Variants in MYO3B observed in about 807,000 individuals in gnomAD.
MYO3B encodes myosin IIIB.
In MYO3B, 156 loss-of-function variants were observed where a neutral mutation model predicts 174.6. The observed-to-expected ratio is 0.89, with a 90% CI of 0.78 to 1.02. The LOEUF is 1.02. Among genes scored for constraint, MYO3B ranks in the 50% least tolerant of loss-of-function variants. The pLI is 0.00. For missense variants in MYO3B, 1,632 were observed against 1,639.4 expected (o/e 1.00, Z 0.08); for synonymous variants, 563 against 569.1 (o/e 0.99, Z 0.15).
intron 22 of MYO3B, among the ~76,000 whole-genome samples, chr2:170,410,592 G>GAAAAAAAAAAAAAAAAAAAAAAAAAA (rs59296953): frequency 8.9e-6 from 1 of 112,530 alleles, no homozygotes; most frequent in Non-Finnish European, 1.8e-5. Flanking sequence ...CAAAAAAAAA[G>GAAAAAAAAAAAAAAAAAAAAAAAAAA]AAAAAAAAAA....
At chr2:170,555,596 G>C (rs1414476336) in intron 32 of MYO3B, among the ~76,000 whole-genome samples, 2 of 152,140 alleles carry the variant, frequency 1.3e-5, no homozygotes, top group African/African-American at 4.8e-5. Flanking sequence ...AAGAGGCCAG[G>C]TGTGGTGGTT....
At chr2:170,268,195 A>G (rs549457970) in intron 7 of MYO3B, among the ~76,000 whole-genome samples, 1 of 152,254 alleles carries the variant, frequency 6.6e-6, no homozygotes, top group East Asian at 1.9e-4. Flanking sequence ...TTTATGCATC[A>G]CACCTGGATG....
intron 32 of MYO3B, among the ~76,000 whole-genome samples, chr2:170,634,908 A>G (rs1697333513): frequency 1.3e-5 from 2 of 152,060 alleles, no homozygotes; most frequent in South Asian, 4.1e-4. Context: ...AATCAAAACC[A>G]CAATGAGATA....
intron 32 of MYO3B, among the ~76,000 whole-genome samples, chr2:170,641,876 G>T (rs1489386599): frequency 1.2e-5 from 1 of 86,330 alleles, no homozygotes; most frequent in Non-Finnish European, 2.0e-5. Context: ...GGGGGGGAGG[G>T]GCGGGGAGCC....
intron 7 of MYO3B, among the ~76,000 whole-genome samples, chr2:170,270,146 C>T (rs1304244238): frequency 1.3e-5 from 2 of 152,150 alleles, no homozygotes; most frequent in South Asian, 2.1e-4. Context: ...CAGTGCTTTC[C>T]TCTGAGGAGG....
chr2:170,181,182 T>C lies in MYO3B; in HGVS notation c.2+2893T>C, dbSNP rs1448275143. The stretch of plus-strand genomic sequence containing the variant: ...TTTATATGTGGTGTAAGGATAAAGA[T>C]TCTTTTTTTCTTTTTGCATATTGCT... On this transcript the variant is annotated intron_variant, in intron 1 of 34. Coordinates refer to ENST00000408978, the MANE Select transcript of MYO3B (RefSeq NM_138995.5). Among the ~76,000 whole-genome samples, 4 of 152,228 alleles carry C rather than the reference T, an allele frequency of 2.6e-5. No individual in the cohort carries two copies. In the East Asian group the frequency reaches 7.7e-4, roughly 29 times the overall value.
chr2:170,432,402 A>T (rs971159861), intron 22 of MYO3B, among the ~76,000 whole-genome samples: 12 of 152,070 alleles, frequency 7.9e-5, no homozygotes, highest in African/African-American at 2.9e-4. Context: ...AAAAAATCTT[A>T]AAAATTTAAA....
chr2:170,253,932 G>T (rs952297369), intron 7 of MYO3B, among the ~76,000 whole-genome samples: 4 of 152,072 alleles, frequency 2.6e-5, no homozygotes. Context: ...ATTAGATGTA[G>T]CCAGGAAGTG....
At chr2:170,632,747 A>G (rs1432952965) in intron 32 of MYO3B, among the ~76,000 whole-genome samples, 3 of 152,188 alleles carry the variant, frequency 2.0e-5, no homozygotes, top group East Asian at 1.9e-4. Flanking sequence ...CAAGACTAAT[A>G]AAGAAGAAAA....
intron 7 of MYO3B, among the ~76,000 whole-genome samples, chr2:170,283,751 C>A (rs1218840536): frequency 2.6e-5 from 4 of 152,274 alleles, no homozygotes; most frequent in South Asian, 2.1e-4. Flanking sequence ...TAGAGGTGAG[C>A]AGTAGTACCT....
intron 3 of MYO3B, among the ~76,000 whole-genome samples, chr2:170,213,625 G>A (rs2092796381): frequency 6.6e-6 from 1 of 152,168 alleles, no homozygotes; most frequent in Admixed American, 6.5e-5. Context: ...AACAATATGA[G>A]AGGGTCTGTC....
chr2:170,509,108 G>A (rs1441924498), intron 28 of MYO3B, among the ~76,000 whole-genome samples: 1 of 152,172 alleles, frequency 6.6e-6, no homozygotes, highest in African/African-American at 2.4e-5. Context: ...TATAATCCCC[G>A]CACTTTGGGA....
chr2:170,553,353 C>T (rs1340415648), intron 32 of MYO3B, among the ~76,000 whole-genome samples: 1 of 152,212 alleles, frequency 6.6e-6, no homozygotes, highest in Non-Finnish European at 1.5e-5. Flanking sequence ...GGGAGCCCAC[C>T]TCTTGCATCA....
intron 32 of MYO3B, among the ~76,000 whole-genome samples, chr2:170,605,169 G>A (rs766202450): frequency 2.6e-5 from 4 of 152,234 alleles, no homozygotes; most frequent in Non-Finnish European, 5.9e-5. Context: ...AGCAGCATTT[G>A]ACAAGGCTGA....
Position 170,652,962 on chromosome 2 carries a change from C to T in MYO3B, c.3888-21C>T, listed in dbSNP as rs370478379. ...TTTGTTTTATTTTTTGTTGAAAATC[C>T]TGTTGTTTTCTTTGTTGCAGCCAAA... On this transcript the variant is annotated intron_variant, in intron 34 of 34. Coordinates refer to ENST00000408978, the MANE Select transcript of MYO3B (RefSeq NM_138995.5). 31 of 1,612,002 alleles carry T rather than the reference C, an allele frequency of 1.9e-5. No individual in the cohort carries two copies. In the African/African-American group the frequency reaches 3.7e-4, roughly 19 times the overall value.
At chr2:170,418,503 T>A (rs2105848195) in intron 22 of MYO3B, among the ~76,000 whole-genome samples, 1 of 152,348 alleles carries the variant, frequency 6.6e-6, no homozygotes, top group East Asian at 1.9e-4. Flanking sequence ...AGTGCATCCC[T>A]AGGTCTTCAT....
chr2:170,214,798 A>T lies in MYO3B; in HGVS notation c.496A>T (p.Thr166Ser). The change falls in exon 5 of 35, where the codon ACA (threonine) becomes TCA (serine). Residue 166 changes from threonine (T) to serine (S), a missense_variant. Thr to Ser is a moderately conservative substitution (Grantham distance 58, BLOSUM62 1). Transcript: ENST00000408978. ...DVKGNNILLT[T>S]EGGVKLVDFG... ...GAAGGGGAATAACATTCTTCTGACAACAGAAGGAGGAGTTAAGCTCGTTGA... is the reference window on the plus strand; with the variant it reads ...GAAGGGGAATAACATTCTTCTGACATCAGAAGGAGGAGTTAAGCTCGTTGA... 1 of 1,613,940 alleles carries T rather than the reference A, an allele frequency of 6.2e-7. No homozygotes were observed. The highest frequency in any genetic ancestry group is 8.5e-7 in the Non-Finnish European group (1 of 1,179,816).
intron 30 of MYO3B, among the ~76,000 whole-genome samples, chr2:170,539,614 T>A (rs1689950782): frequency 1.9e-5 from 1 of 51,626 alleles, no homozygotes; most frequent in African/African-American, 2.1e-4. Context: ...TAATTCTTTT[T>A]ATTTATTTAT....
chr2:170,586,449 T>C (rs1360906440), intron 32 of MYO3B, among the ~76,000 whole-genome samples: 1 of 152,246 alleles, frequency 6.6e-6, no homozygotes, highest in Non-Finnish European at 1.5e-5. Context: ...ATTATCTTTT[T>C]GTGTGCACCC....
Sources: gnomAD v4.1 joint callset for allele counts (sites outside exome capture counted in the v4.1 genomes callset) on GRCh38, gnomAD v4.1.1 for gene constraint, MANE v1.5 for transcripts, NCBI Gene and HGNC (gene_info 2026-07-23, HGNC 2026-07-21) for gene names.